SKAP2: variants seen among roughly 807,000 people sequenced by gnomAD.
SKAP2 encodes the protein src kinase associated phosphoprotein 2.
A neutral mutation model predicts 54.9 loss-of-function variants in SKAP2; 28 were observed. The ratio of observed to expected loss-of-function variants is 0.51; its 90% CI spans 0.38 to 0.70. The LOEUF (loss-of-function observed/expected upper bound fraction) is 0.70. Among genes scored for constraint, SKAP2 ranks in the 30% least tolerant of loss-of-function variants. SKAP2 has a pLI of 0.00. For missense variants in SKAP2, 356 were observed against 424.1 expected (o/e 0.84, Z 1.41); for synonymous variants, 137 against 134.3 (o/e 1.02, Z -0.14).
intron 4 of SKAP2, among the ~76,000 whole-genome samples, chr7:26,812,449 CT>C (rs2127988282): frequency 1.3e-5 from 2 of 152,132 alleles, no homozygotes; most frequent in East Asian, 3.9e-4. Flanking sequence ...ATTCTCATAT[CT>C]GTTCTAAACC....
intron 3 of SKAP2, among the ~76,000 whole-genome samples, chr7:26,852,904 A>C (rs1455819872): frequency 1.3e-5 from 2 of 152,126 alleles, no homozygotes; most frequent in African/African-American, 2.4e-5. Context: ...TACATAATAA[A>C]AGTTATCGTA....
intron 10 of SKAP2, among the ~76,000 whole-genome samples, chr7:26,687,301 A>G (rs1786668839): frequency 6.6e-6 from 1 of 151,658 alleles, no homozygotes; most frequent in South Asian, 2.1e-4. Context: ...ACTGCTGTAA[A>G]GAGGCAACAG....
intron 4 of SKAP2, among the ~76,000 whole-genome samples, chr7:26,834,439 G>C (rs1288524567): frequency 6.6e-6 from 1 of 152,000 alleles, no homozygotes; most frequent in African/African-American, 2.4e-5. Context: ...AAAATAGATA[G>C]ACCACTAACC....
At chr7:26,734,723 G>A (rs961164510) in intron 6 of SKAP2, among the ~76,000 whole-genome samples, 9 of 152,220 alleles carry the variant, frequency 5.9e-5, no homozygotes, top group South Asian at 2.1e-4. Context: ...ATGCTGTACC[G>A]TCACATGGCG....
intron 9 of SKAP2, among the ~76,000 whole-genome samples, chr7:26,701,495 G>C (rs1364868069): frequency 6.6e-6 from 1 of 152,104 alleles, no homozygotes; most frequent in Non-Finnish European, 1.5e-5. Flanking sequence ...CACTTTGGGA[G>C]GCCAAGGCAG....
intron 3 of SKAP2, among the ~76,000 whole-genome samples, chr7:26,844,873 G>A (rs1342365531): frequency 2.0e-5 from 3 of 151,870 alleles, no homozygotes; most frequent in Non-Finnish European, 2.9e-5. Flanking sequence ...TCCTAGGTTC[G>A]TTGGTCGATT....
chr7:26,828,435 T>C (rs1217128143), intron 4 of SKAP2, among the ~76,000 whole-genome samples: 18 of 151,982 alleles, frequency 1.2e-4, no homozygotes, highest in Admixed American at 8.5e-4. Flanking sequence ...CCCAGCACTT[T>C]GGGAGGCCGA....
chr7:26,837,149 C>T (rs538189451), intron 4 of SKAP2, among the ~76,000 whole-genome samples: 12 of 151,870 alleles, frequency 7.9e-5, no homozygotes, highest in Non-Finnish European at 1.2e-4. Flanking sequence ...AACACATGGA[C>T]GCAGGGAGGG....
chr7:26,844,245 T>C (rs1007930926), intron 3 of SKAP2, 108 bp from the exon 4 acceptor site: 15 of 649,948 alleles, frequency 2.3e-5, no homozygotes, highest in Admixed American at 1.0e-4. Flanking sequence ...ATTCTACTAG[T>C]AAATTGAGTC....
At chr7:26,673,575 T>C (rs6967749) in intron 11 of SKAP2, among the ~76,000 whole-genome samples, 16,833 of 151,996 alleles carry the variant, frequency 0.11, 1,256 homozygotes, top group African/African-American at 0.2. Flanking sequence ...GCTTATTGTA[T>C]AAAAATAGTA....
intron 4 of SKAP2, among the ~76,000 whole-genome samples, chr7:26,749,343 C>A (rs977452577): frequency 2.0e-5 from 3 of 152,122 alleles, no homozygotes; most frequent in Admixed American, 6.5e-5. Context: ...AGGCTCTTTT[C>A]TAAATATTAC....
At chr7:26,822,021 G>A (rs7785711) in intron 4 of SKAP2, among the ~76,000 whole-genome samples, 32,213 of 152,052 alleles carry the variant, frequency 0.21, 3,500 homozygotes, top group Non-Finnish European at 0.24. Context: ...ATTAATGTAA[G>A]TATTTTATTT....
At chr7:26,777,444 A>G (rs193207913) in intron 4 of SKAP2, among the ~76,000 whole-genome samples, 87 of 152,286 alleles carry the variant, frequency 5.7e-4, no homozygotes, top group African/African-American at 2.0e-3. Context: ...AGTTCTTTGA[A>G]TATTTGATAT....
intron 3 of SKAP2, among the ~76,000 whole-genome samples, chr7:26,852,684 A>G (rs1458504899): frequency 6.6e-6 from 1 of 152,224 alleles, no homozygotes; most frequent in Non-Finnish European, 1.5e-5. Context: ...AACGAATTCT[A>G]AAACAAAATA....
chr7:26,846,419 A>G (rs1219923458), intron 3 of SKAP2, among the ~76,000 whole-genome samples: 1 of 152,110 alleles, frequency 6.6e-6, no homozygotes, highest in Non-Finnish European at 1.5e-5. Context: ...GATAACATCC[A>G]TTATTATGTG....
chr7:26,851,042 A>G (rs548323043), intron 3 of SKAP2, among the ~76,000 whole-genome samples: 1 of 152,190 alleles, frequency 6.6e-6, no homozygotes, highest in African/African-American at 2.4e-5. Flanking sequence ...TCTCACCCAA[A>G]AAAATGGAAA....
In SKAP2 at chr7:26,689,136, AG is replaced by A. The variant is rs1295695240; in HGVS notation, c.874+1148del. On this transcript the variant is annotated intron_variant, in intron 10 of 12. Coordinates refer to ENST00000345317, the MANE Select transcript of SKAP2 (RefSeq NM_003930.5). ...CTGTTTCCTTTCCACATGTCACAGT[AG>A]GAAGGACTCTGGAAAGCTACTTCCT... 2.6e-5 allele frequency among the ~76,000 whole-genome samples: 4 copies of A among 152,250 alleles called. 1 individual carries two copies. Among genetic ancestry groups the A allele is most frequent in the African/African-American group, 9.6e-5 (4 of 41,542 alleles).
intron 4 of SKAP2, among the ~76,000 whole-genome samples, chr7:26,768,283 T>C (rs1354728379): frequency 4.8e-5 from 2 of 41,390 alleles, no homozygotes; most frequent in Non-Finnish European, 1.3e-4. Context: ...AACCCCTGCT[T>C]TTTTTTTTTT....
At chr7:26,847,786 G>A (rs1244669862) in intron 3 of SKAP2, among the ~76,000 whole-genome samples, 1 of 152,150 alleles carries the variant, frequency 6.6e-6, no homozygotes, top group Non-Finnish European at 1.5e-5. Context: ...TTAATGATCA[G>A]TTTAAAAATA....
Sources: gnomAD v4.1 joint callset for allele counts (sites outside exome capture counted in the v4.1 genomes callset) on GRCh38, gnomAD v4.1.1 for gene constraint, MANE v1.5 for transcripts, NCBI Gene and HGNC (gene_info 2026-07-23, HGNC 2026-07-21) for gene names.